Variants in C11orf65 observed in about 807,000 individuals in gnomAD.
C11orf65 encodes the protein chromosome 11 open reading frame 65, also known as protein MFI.
Under a neutral mutation model 35.3 loss-of-function variants are expected in C11orf65, and 38 were observed. The ratio of observed to expected loss-of-function variants is 1.08; its 90% CI spans 0.83 to 1.41. The LOEUF (loss-of-function observed/expected upper bound fraction) is 1.41. C11orf65 is among the 40% of genes most tolerant of loss of function. The probability of loss-of-function intolerance (pLI) is 0.00; values close to 1 mark genes in which losing one functional copy is unlikely to be tolerated. For synonymous variants in C11orf65, 105 were observed against 114.4 expected, an observed-to-expected ratio of 0.92 and a Z score of 0.53; for missense variants, 370 against 367.1, an observed-to-expected ratio of 1.01 and a Z score of -0.06.
intron 3 of C11orf65, chr11:108,332,078 T>G: frequency 6.2e-7 from 1 of 1,605,488 alleles, no homozygotes; most frequent in Non-Finnish European, 8.5e-7. Context: ...AAGTGTGATA[T>G]TCAGTCTTTC....
chr11:108,373,249 C>G, intron 2 of C11orf65, among the ~76,000 whole-genome samples: 1 of 152,056 alleles, frequency 6.6e-6, no homozygotes, highest in East Asian at 1.9e-4. Context: ...CTAAATAAAC[C>G]ATATGATCAT....
chr11:108,452,526 A>G (rs1326505867), intron 2 of C11orf65, among the ~76,000 whole-genome samples: 25 of 152,212 alleles, frequency 1.6e-4, no homozygotes, highest in Admixed American at 1.3e-3. Flanking sequence ...ATGTGGAGAA[A>G]TAGGAACACT....
At chr11:108,339,977 G>A (rs953887963) in intron 2 of C11orf65, among the ~76,000 whole-genome samples, 3 of 152,116 alleles carry the variant, frequency 2.0e-5, no homozygotes, top group Non-Finnish European at 4.4e-5. Flanking sequence ...CCTACGTTGG[G>A]TTAGATACTC....
intron 2 of C11orf65, among the ~76,000 whole-genome samples, chr11:108,455,863 A>G (rs565856815): frequency 8.1e-4 from 122 of 150,226 alleles, no homozygotes; most frequent in African/African-American, 1.5e-3. Flanking sequence ...TTTAAGATCC[A>G]AAGACATGGG....
At position 108,335,031 on chromosome 11, in the gene C11orf65, C is replaced by G. The variant is rs1215882325; in HGVS notation, c.299+189G>C. 2 of 1,613,964 alleles carry G rather than the reference C, an allele frequency of 1.2e-6. No homozygotes were observed. Among genetic ancestry groups the G allele is most frequent in the African/African-American group, 2.7e-5 (2 of 75,024 alleles). ...TACAGTCATTTAAAGCAGAATTTCG[C>G]TTAGCAGGAGGTGTAAATTTACCAA... is the stretch of plus-strand genomic sequence containing the variant. On this transcript the variant is annotated intron_variant, in intron 3 of 3. Coordinates refer to the C11orf65 transcript ENST00000524755.
intron 7 of C11orf65, among the ~76,000 whole-genome samples, chr11:108,386,189 C>A (rs1399902134): frequency 6.6e-6 from 1 of 152,172 alleles, no homozygotes; most frequent in Admixed American, 6.5e-5. Flanking sequence ...AAAAATGGTG[C>A]CCACCATCTG....
intron 6 of C11orf65, among the ~76,000 whole-genome samples, chr11:108,321,829 T>C (rs1305579782): frequency 6.6e-6 from 1 of 152,174 alleles, no homozygotes; most frequent in Admixed American, 6.5e-5. Context: ...TGTGTGTTTC[T>C]TTCCTTTTAT....
intron 2 of C11orf65, among the ~76,000 whole-genome samples, chr11:108,357,837 G>C (rs1400847481): frequency 6.6e-6 from 1 of 151,618 alleles, no homozygotes; most frequent in Non-Finnish European, 1.5e-5. Flanking sequence ...AAACCACAAA[G>C]ATGGGGAAAA....
At chr11:108,451,540 T>C (rs1238645413) in intron 2 of C11orf65, among the ~76,000 whole-genome samples, 1 of 151,948 alleles carries the variant, frequency 6.6e-6, no homozygotes, top group Admixed American at 6.6e-5. Flanking sequence ...TCCATGCTCA[T>C]GGGTAGGAAG....
intron 2 of C11orf65, chr11:108,355,065 A>G (rs935662253): frequency 3.9e-5 from 23 of 590,758 alleles, no homozygotes; most frequent in Middle Eastern, 2.8e-4. Flanking sequence ...AAATGCCTTC[A>G]GCCCCCTTGA....
At chr11:108,398,979 C>A (rs928957509) in intron 6 of C11orf65, among the ~76,000 whole-genome samples, 3 of 152,122 alleles carry the variant, frequency 2.0e-5, no homozygotes, top group Non-Finnish European at 4.4e-5. Flanking sequence ...GCCAGCATAT[C>A]TCATTACTGG....
intron 3 of C11orf65, among the ~76,000 whole-genome samples, chr11:108,411,362 T>C (rs903068352): frequency 6.6e-6 from 1 of 152,212 alleles, no homozygotes; most frequent in South Asian, 2.1e-4. Flanking sequence ...GGAAATTTGT[T>C]GAGACTTTCA....
chr11:108,435,511 G>A (rs1358681983), intron 2 of C11orf65, among the ~76,000 whole-genome samples: 1 of 152,094 alleles, frequency 6.6e-6, no homozygotes, highest in Non-Finnish European at 1.5e-5. Context: ...ACCCCAAACA[G>A]GCAGAATTGT....
intron 6 of C11orf65, among the ~76,000 whole-genome samples, chr11:108,311,528 T>C (rs540026674): frequency 9.2e-5 from 14 of 152,116 alleles, no homozygotes; most frequent in South Asian, 8.3e-4. Flanking sequence ...AGACCTCAGC[T>C]CTACTAAAAA....
intron 6 of C11orf65, among the ~76,000 whole-genome samples, chr11:108,321,750 G>C (rs1336654207): frequency 6.6e-6 from 1 of 151,702 alleles, no homozygotes; most frequent in Admixed American, 6.6e-5. Flanking sequence ...ATTGCGCCAT[G>C]GATTCCAGCC....
chr11:108,460,011 A>G (rs112871317), intron 2 of C11orf65, among the ~76,000 whole-genome samples: 429 of 152,310 alleles, frequency 2.8e-3, no homozygotes, highest in Non-Finnish European at 4.5e-3. Flanking sequence ...GTGCTCGGCT[A>G]TAGGGCAAGT....
intron 2 of C11orf65, among the ~76,000 whole-genome samples, chr11:108,454,573 C>T (rs1393096333): frequency 6.6e-6 from 1 of 152,194 alleles, no homozygotes; most frequent in Non-Finnish European, 1.5e-5. Context: ...GCTGGGATTA[C>T]AGGCGTGAGC....
intron 2 of C11orf65, chr11:108,353,999 T>A: frequency 9.8e-7 from 1 of 1,018,958 alleles, no homozygotes; most frequent in Non-Finnish European, 1.5e-6. Context: ...GAGGATTGTT[T>A]GAGCCCAGGA....
chr11:108,329,066 C>T (rs778888033), downstream of C11orf65: 1 of 1,614,034 alleles, frequency 6.2e-7, no homozygotes, highest in South Asian at 1.1e-5. Flanking sequence ...TAGTGATGAG[C>T]TAAGAAATGG....
Sources: gnomAD v4.1 joint callset for allele counts (sites outside exome capture counted in the v4.1 genomes callset) on GRCh38, gnomAD v4.1.1 for gene constraint, MANE v1.5 for transcripts, NCBI Gene and HGNC (gene_info 2026-07-23, HGNC 2026-07-21) for gene names.